RASA3: variants seen among roughly 807,000 people sequenced by gnomAD.
RASA3 encodes the protein RAS p21 protein activator 3.
Under a neutral mutation model 110.0 loss-of-function variants are expected in RASA3, and 73 were observed. That is an observed-to-expected ratio of 0.66 (90% CI 0.55 to 0.81). RASA3 has a LOEUF of 0.81. Among genes scored for constraint, RASA3 ranks in the 30% least tolerant of loss-of-function variants. The probability of loss-of-function intolerance (pLI) is 0.00; values close to 1 mark genes in which losing one functional copy is unlikely to be tolerated. For synonymous variants in RASA3, 500 were observed against 451.4 expected (o/e 1.11, Z -1.37); for missense variants, 976 against 1,113.2 (o/e 0.88, Z 1.75).
At position 114,030,829 on chromosome 13, in the gene RASA3, GTGTGTGTGCAGCTGTGTGTCCTCC is replaced by G. The variant is rs1295815396; in HGVS notation, c.373-966_373-943del. On this transcript the variant is annotated intron_variant, in intron 4 of 23. Coordinates refer to ENST00000334062, the MANE Select transcript of RASA3 (RefSeq NM_007368.4). ...TCCGCCTGTGTCTGTGCATCTGGCTGTGTGTGTGCAGCTGTGTGTCCTCCTGTGTGTGCGGCTGTGTGTCTACCT... is the reference window on the plus strand; with the variant it reads ...TCCGCCTGTGTCTGTGCATCTGGCTGTGTGTGTGCGGCTGTGTGTCTACCT... Among the ~76,000 whole-genome samples the G allele has an allele frequency of 2.0e-5, 3 of 151,932 alleles. No homozygotes were observed. In the East Asian group the frequency reaches 5.8e-4, roughly 29 times the overall value.
intron 12 of RASA3, among the ~76,000 whole-genome samples, chr13:114,016,659 A>G (rs1388107131): frequency 1.3e-5 from 2 of 152,260 alleles, no homozygotes; most frequent in Non-Finnish European, 2.9e-5. Flanking sequence ...AGTGATGTGC[A>G]CCAGCCCACA....
At chr13:114,121,830 G>GC (rs113098044) in intron 1 of RASA3, among the ~76,000 whole-genome samples, 1,752 of 152,286 alleles carry the variant, frequency 0.012, 28 homozygotes, top group East Asian at 0.033. Flanking sequence ...GCATACACAG[G>GC]CCCCCCGCCA....
At chr13:114,024,429 G>A (rs895524623) in intron 7 of RASA3, 74 bp from the exon 8 acceptor site, 94 of 1,366,884 alleles carry the variant, frequency 6.9e-5, no homozygotes, top group African/African-American at 2.7e-4. Flanking sequence ...CCTAGGCCCC[G>A]GGCTGCCCTA....
intron 9 of RASA3, among the ~76,000 whole-genome samples, chr13:114,020,956 T>C (rs1000438435): frequency 6.6e-5 from 10 of 152,258 alleles, no homozygotes; most frequent in African/African-American, 2.4e-4. Context: ...CCTCACGAGC[T>C]GCTCGCGGCT....
intron 1 of RASA3, among the ~76,000 whole-genome samples, chr13:114,121,919 T>C (rs368927755): frequency 6.6e-6 from 1 of 152,170 alleles, no homozygotes; most frequent in East Asian, 1.9e-4. Context: ...GTGGGCCGAG[T>C]GCAGGAGCCT....
At position 114,115,519 on chromosome 13, in the gene RASA3, G is replaced by A. The variant is rs1229086508; in HGVS notation, c.55+16916C>T. ...CATTAATACTCACTTCCTGTCGCAA[G>A]AGACTCATGCCCTAGAGATAAAGCC... is the stretch of plus-strand genomic sequence containing the variant. On this transcript the variant is annotated intron_variant, in intron 1 of 23. Transcript: ENST00000334062. The surrounding 1 kb of genome is among the most constrained non-coding windows in gnomAD (Gnocchi z 5.0). 6.6e-6 allele frequency among the ~76,000 whole-genome samples: 1 copy of A among 152,248 alleles called. No homozygotes were observed. The highest frequency in any genetic ancestry group is 1.5e-5 in the Non-Finnish European group (1 of 68,050).
At chr13:114,124,716 CT>C (rs1373139117) in intron 1 of RASA3, among the ~76,000 whole-genome samples, 1 of 152,260 alleles carries the variant, frequency 6.6e-6, no homozygotes, top group Non-Finnish European at 1.5e-5. Flanking sequence ...CCGCTGCGGC[CT>C]GACGGAGCCG....
rs2054212244 is a variant in RASA3, at chr13:114,033,274, C to T, written c.373-3387G>A. On this transcript the variant is annotated intron_variant, in intron 4 of 23. Coordinates refer to ENST00000334062, the MANE Select transcript of RASA3 (RefSeq NM_007368.4). Reference sequence around the variant, plus strand: ...CCACACTTGACACCACGTTCCATGGCACCCCCACACTGACAACACGCCCCA... The same window carrying T: ...CCACACTTGACACCACGTTCCATGGTACCCCCACACTGACAACACGCCCCA... 4.2e-5 allele frequency among the ~76,000 whole-genome samples: 4 copies of T among 94,506 alleles called. No individual in the cohort carries two copies. In the Admixed American group the frequency reaches 4.5e-4, roughly 11 times the overall value. The allele number at this position is 94,506 out of a possible 152,430, so 62.0% of individuals were successfully genotyped here. A position where few individuals can be genotyped will look rare whatever the true frequency, so the allele number is the denominator to read the frequency against.
intron 1 of RASA3, among the ~76,000 whole-genome samples, chr13:114,127,848 T>C (rs1319378597): frequency 6.6e-6 from 1 of 152,150 alleles, no homozygotes; most frequent in East Asian, 1.9e-4. Context: ...GATAAATCCG[T>C]GGGTCTCCCT....
chr13:114,068,060 A>G (rs1447411272), intron 2 of RASA3, among the ~76,000 whole-genome samples: 2 of 152,212 alleles, frequency 1.3e-5, no homozygotes, highest in African/African-American at 4.8e-5. Flanking sequence ...ACGCATAACC[A>G]GCTTTCGGAG....
At chr13:114,001,315 C>T (rs567538578) in intron 18 of RASA3, among the ~76,000 whole-genome samples, 56 of 151,982 alleles carry the variant, frequency 3.7e-4, no homozygotes, top group African/African-American at 1.3e-3. Context: ...GGAGGACCTG[C>T]GGCCGCGGAC....
At chr13:113,994,090 A>C (rs942265997) in intron 21 of RASA3, among the ~76,000 whole-genome samples, 9 of 152,378 alleles carry the variant, frequency 5.9e-5, no homozygotes, top group African/African-American at 2.2e-4. Context: ...AAAATTTCTG[A>C]AACGTCTGTA....
At chr13:114,062,618 T>C (rs1466873205) in intron 2 of RASA3, among the ~76,000 whole-genome samples, 1 of 150,656 alleles carries the variant, frequency 6.6e-6, no homozygotes, top group Non-Finnish European at 1.5e-5. Flanking sequence ...CAGACACGCG[T>C]GCTCACAGCC....
intron 22 of RASA3, among the ~76,000 whole-genome samples, chr13:113,991,882 A>C (rs539742709): frequency 2.6e-4 from 40 of 152,212 alleles, no homozygotes; most frequent in East Asian, 3.9e-4. Context: ...ACGTGTCCCC[A>C]CACACACATG....
Position 114,017,296 on chromosome 13 carries a change from T to C in RASA3, c.1147A>G (p.Thr383Ala), listed in dbSNP as rs760246141. The part of the protein sequence containing the change: ...NSLASKCIDE[T>A]MKLAGMHYLH... ...TAATGCATCCCCGCCAGCTTCATGG[T>C]CTCGTCGATGCACTTGGACGCCAGT... Residue 383 changes from threonine (T) to alanine (A), a missense_variant, in exon 12 of 24, where the codon ACC (threonine) becomes GCC (alanine). Around this residue, in one of 4 missense-constraint regions of RASA3, gnomAD observed 732 missense variants for 779.7 expected, o/e 0.94. Transcript: ENST00000334062. The C allele has an allele frequency of 5.6e-6, 9 of 1,613,992 alleles. No individual in the cohort carries two copies. In the South Asian group the frequency reaches 9.9e-5, roughly 18 times the overall value.
At chr13:114,051,340 C>T (rs35655334) in intron 3 of RASA3, among the ~76,000 whole-genome samples, 8,484 of 152,294 alleles carry the variant, frequency 0.056, 444 homozygotes, top group East Asian at 0.19. Context: ...GCTCTCCCAG[C>T]GTCACGGCGG....
intron 1 of RASA3, among the ~76,000 whole-genome samples, chr13:114,116,938 G>GGT (rs2080286806): frequency 7.7e-6 from 1 of 129,746 alleles, no homozygotes; most frequent in Non-Finnish European, 1.6e-5. Flanking sequence ...GTGTGTGAGG[G>GGT]GAGCACGTGT....
chr13:114,057,588 C>A lies in RASA3; in HGVS notation c.174-5433G>T. The stretch of plus-strand genomic sequence containing the variant: ...CCCACAGGAAGGAAACCTCTCCCCA[C>A]AATGACTGTGCACAGAGCCAGCCTG... On this transcript the variant is annotated intron_variant, in intron 2 of 23. Coordinates refer to ENST00000334062, the MANE Select transcript of RASA3 (RefSeq NM_007368.4). This position sits in a 1 kb window ranked among gnomAD's most constrained non-coding sequence, Gnocchi z 5.0. The A allele has an allele frequency of 1.1e-6, 1 of 888,078 alleles. No individual in the cohort carries two copies. The highest frequency in any genetic ancestry group is 6.2e-5 in the Admixed American group (1 of 16,192). The allele number at this position is 888,078 out of a possible 1,614,324, so 55.0% of individuals were successfully genotyped here. A position where few individuals can be genotyped will look rare whatever the true frequency, so the allele number is the denominator to read the frequency against.
intron 3 of RASA3, among the ~76,000 whole-genome samples, chr13:114,043,016 G>A (rs2054447340): frequency 6.6e-6 from 1 of 152,228 alleles, no homozygotes; most frequent in South Asian, 2.1e-4. Context: ...TCTTCCCTCA[G>A]GAGCTCCTCT....
Sources: allele counts gnomAD v4.1 joint callset (sites outside exome capture counted in the v4.1 genomes callset), GRCh38; gene constraint gnomAD v4.1.1; regional missense constraint gnomAD v4.1.1; non-coding constraint Gnocchi (gnomAD v3.1); transcripts MANE v1.5; gene names NCBI Gene and HGNC (gene_info 2026-07-23, HGNC 2026-07-21).